HELLS: variants seen among roughly 807,000 people sequenced by gnomAD.
HELLS encodes the protein helicase, lymphoid specific.
In HELLS, 32 loss-of-function variants were observed where a neutral mutation model predicts 120.0. That is an observed-to-expected ratio of 0.27 (90% CI 0.20 to 0.36). HELLS has a LOEUF of 0.36. Ranked by LOEUF, HELLS falls within the 10% of genes least tolerant of loss-of-function variation. HELLS has a pLI of 1.00. For synonymous variants in HELLS, 341 were observed against 323.4 expected, an observed-to-expected ratio of 1.05 and a Z score of -0.58; for missense variants, 650 against 993.4, an observed-to-expected ratio of 0.65 and a Z score of 4.65.
At chr10:94,609,038 T>C (rs1846159741) in intron 9 of HELLS, among the ~76,000 whole-genome samples, 1 of 115,214 alleles carries the variant, frequency 8.7e-6, no homozygotes, top group African/African-American at 3.4e-5. Flanking sequence ...TTTTTTTTTT[T>C]TTGAGATGGA....
intron 7 of HELLS, among the ~76,000 whole-genome samples, chr10:94,571,669 G>A (rs1844175147): frequency 1.3e-5 from 2 of 152,162 alleles, no homozygotes; most frequent in Admixed American, 6.5e-5. Flanking sequence ...TATGGGTCTA[G>A]CAATGTTGCT....
At chr10:94,584,963 G>A (rs1322296422) in intron 12 of HELLS, among the ~76,000 whole-genome samples, 4 of 152,004 alleles carry the variant, frequency 2.6e-5, no homozygotes, top group African/African-American at 9.7e-5. Flanking sequence ...CATTACTACA[G>A]GAAAAAGTTT....
intron 4 of HELLS, among the ~76,000 whole-genome samples, chr10:94,559,248 T>C (rs1343096346): frequency 1.3e-5 from 2 of 152,126 alleles, no homozygotes; most frequent in Non-Finnish European, 2.9e-5. Flanking sequence ...ACCATAACTT[T>C]TGCGTTTTTT....
chr10:94,578,675 A>G (rs1350431295), intron 10 of HELLS, among the ~76,000 whole-genome samples: 1 of 152,196 alleles, frequency 6.6e-6, no homozygotes, highest in East Asian at 1.9e-4. Flanking sequence ...TGGGCAACCA[A>G]GTGAGACTGT....
intron 17 of HELLS, 83 bp downstream of exon 17, chr10:94,592,597 C>T: frequency 1.1e-6 from 1 of 918,214 alleles, no homozygotes; most frequent in Non-Finnish European, 1.5e-6. Context: ...CAAATAGACC[C>T]ACAAATTGAT....
At chr10:94,597,759 C>T (rs1845808416) in intron 21 of HELLS, among the ~76,000 whole-genome samples, 1 of 152,144 alleles carries the variant, frequency 6.6e-6, no homozygotes, top group Non-Finnish European at 1.5e-5. Flanking sequence ...TCTTGAACTC[C>T]TGATTTCAGG....
chr10:94,574,440 C>G, intron 8 of HELLS, 114 bp from the exon 9 acceptor site: 1 of 852,604 alleles, frequency 1.2e-6, no homozygotes, highest in South Asian at 1.8e-5. Context: ...AATATATCAG[C>G]TTTAACATAA....
rs1218789786 is a variant in HELLS at position 94,590,618 on chromosome 10, T to C, written c.1629-20T>C. ...GACCATTTTTTGCATTTCCCATATA[T>C]GCATTATTTGTTTTGGTAGAGCTGT... On this transcript the variant is annotated intron_variant, in intron 14 of 21. Transcript: ENST00000348459. 3 of 1,606,500 alleles carry C rather than the reference T, an allele frequency of 1.9e-6. No individual in the cohort carries two copies. Among genetic ancestry groups the C allele is most frequent in the African/African-American group, 2.7e-5 (2 of 74,396 alleles).
At position 94,596,875 on chromosome 10, in the gene HELLS, G is replaced by C; in HGVS notation, c.2264G>C (p.Gly755Ala). ...LIIHKNHFKGGQSGLNLSKNF... is the reference protein window; with the variant it reads ...LIIHKNHFKGAQSGLNLSKNF... The stretch of plus-strand genomic sequence containing the variant: ...TTTTTTTTAGATCATTTCAAAGGTG[G>C]TCAGTCTGGATTAAATCTGTCTAAG... Residue 755 changes from glycine to alanine, a missense_variant, in exon 20 of 22, where the codon GGT becomes GCT. Physicochemically the swap from Gly to Ala is moderately conservative, Grantham distance 60 (BLOSUM62 0). Transcript: ENST00000348459. 1 of 1,477,388 alleles carries C rather than the reference G, an allele frequency of 6.8e-7. No individual in the cohort carries two copies. Among genetic ancestry groups the C allele is most frequent in the South Asian group, 1.2e-5 (1 of 86,640 alleles). 91.5% of individuals were successfully genotyped at this position (1,477,388 alleles called of 1,614,324 possible).
At chr10:94,550,881 G>A (rs1464090912) in intron 2 of HELLS, 1 of 152,166 alleles carries the variant, frequency 6.6e-6, no homozygotes, top group Non-Finnish European at 1.5e-5. Context: ...GATAGAGCGA[G>A]ACCCTGTCTC....
intron 13 of HELLS, among the ~76,000 whole-genome samples, chr10:94,588,963 A>G (rs765959110): frequency 1.3e-5 from 2 of 152,198 alleles, no homozygotes; most frequent in African/African-American, 4.8e-5. Flanking sequence ...TCTGACCAAC[A>G]TGGAGAAAAC....
intron 6 of HELLS, among the ~76,000 whole-genome samples, chr10:94,564,172 T>C (rs927021777): frequency 1.3e-5 from 2 of 152,216 alleles, no homozygotes; most frequent in African/African-American, 4.8e-5. Context: ...CTACCTATTA[T>C]CTTGTGCTTG....
chr10:94,609,244 A>C (rs867109724), intron 9 of HELLS, among the ~76,000 whole-genome samples: 1 of 152,136 alleles, frequency 6.6e-6, no homozygotes, highest in African/African-American at 2.4e-5. Flanking sequence ...GCTAGTCTCG[A>C]ACTCCTGACC....
At chr10:94,551,009 A>G (rs370644766) in intron 2 of HELLS, 3 of 152,196 alleles carry the variant, frequency 2.0e-5, no homozygotes, top group East Asian at 3.9e-4. Flanking sequence ...AAGAATCCAT[A>G]TATTGTGTAA....
chr10:94,571,934 G>C (rs1844195253), intron 7 of HELLS, among the ~76,000 whole-genome samples: 1 of 152,096 alleles, frequency 6.6e-6, no homozygotes, highest in Non-Finnish European at 1.5e-5. Context: ...GTTGCCTAGG[G>C]AAGCAAAATA....
At chr10:94,603,963 G>A (rs1001866187), downstream of HELLS, among the ~76,000 whole-genome samples, 1 of 151,966 alleles carries the variant, frequency 6.6e-6, no homozygotes, top group Non-Finnish European at 1.5e-5. Flanking sequence ...GAGCAGCTGG[G>A]GTTACAGGTG....
exon 10 of HELLS, chr10:94,613,858 TTCTC>T (rs934064574): frequency 6.6e-6 from 1 of 152,168 alleles, no homozygotes; most frequent in East Asian, 1.9e-4. Context: ...GAGGGTAAAT[TTCTC>T]TATATATGTT....
At position 94,590,462 on chromosome 10, in the gene HELLS, G is replaced by C; in HGVS notation, c.1538G>C (p.Arg513Thr). 1 of 1,611,672 alleles carries C rather than the reference G, an allele frequency of 6.2e-7. No homozygotes were observed. Among genetic ancestry groups the C allele is most frequent in the Non-Finnish European group, 8.5e-7 (1 of 1,179,538 alleles). ...ACTGGTCGACCAAAACGACGAACTA[G>C]AAAATCAATAAATTACAGCAAAATA... ...SPTGRPKRRT[R>T]KSINYSKIDD... The change falls in exon 14 of 22, where the codon AGA becomes ACA. Residue 513 changes from arginine (R) to threonine (T), a missense_variant. Around this residue, in one of 9 missense-constraint regions of HELLS, gnomAD observed 191 missense variants for 259.7 expected, o/e 0.74. Coordinates refer to ENST00000348459, the MANE Select transcript of HELLS (RefSeq NM_018063.5).
intron 19 of HELLS, 81 bp downstream of exon 19, chr10:94,594,935 A>G: frequency 1.8e-6 from 2 of 1,100,902 alleles, no homozygotes; most frequent in Non-Finnish European, 2.6e-6. Context: ...TGTTTATAAA[A>G]TATTACAGCC....
Sources: allele counts gnomAD v4.1 joint callset (sites outside exome capture counted in the v4.1 genomes callset), GRCh38; gene constraint gnomAD v4.1.1; regional missense constraint gnomAD v4.1.1; transcripts MANE v1.5; gene names NCBI Gene and HGNC (gene_info 2026-07-23, HGNC 2026-07-21).